The following MROH7 variants were observed in gnomAD, a reference collection of about 807,000 sequenced individuals.
MROH7 encodes the protein maestro heat like repeat family member 7.
In MROH7, 113 loss-of-function variants were observed where a neutral mutation model predicts 129.2. That is an observed-to-expected ratio of 0.87 (90% CI 0.75 to 1.02). The LOEUF is 1.02. MROH7 is among the 50% of genes least tolerant of loss of function. The pLI is 0.00. For synonymous variants in MROH7, 655 were observed against 667.9 expected (o/e 0.98, Z 0.30); for missense variants, 1,601 against 1,671.3 (o/e 0.96, Z 0.73).
At chr1:54,676,043 G>A (rs1428160658) in intron 10 of MROH7, among the ~76,000 whole-genome samples, 1 of 152,124 alleles carries the variant, frequency 6.6e-6, no homozygotes, top group Non-Finnish European at 1.5e-5. Context: ...AGGATACCCA[G>A]TAAAATTTGA....
At chr1:54,700,493 G>C in intron 18 of MROH7, 32 bp downstream of exon 18, 1 of 1,544,610 alleles carries the variant, frequency 6.5e-7, no homozygotes. Context: ...GCCTGGCCCA[G>C]CCAGGCCCCA....
chr1:54,700,083 T>C (rs1645408106), intron 17 of MROH7: 1 of 691,324 alleles, frequency 1.4e-6, no homozygotes, highest in Non-Finnish European at 2.7e-6. Flanking sequence ...CAGGATCTCA[T>C]GGGAAAGGCA....
rs1383473147 is a variant in MROH7, at chr1:54,675,599, GC to G, written c.1936+1450del. ...TGAGCCTATTCTGGCTCGGGACGCT[GC>G]CTTTTTTTTTTTTTTGAGACAGAGT... is the stretch of plus-strand genomic sequence containing the variant. On this transcript the variant is annotated intron_variant, in intron 10 of 23. Coordinates refer to ENST00000421030, the MANE Select transcript of MROH7 (RefSeq NM_001039464.4). 1.9e-3 allele frequency among the ~76,000 whole-genome samples: 253 copies of G among 134,448 alleles called. 3 individuals are homozygous for G. Among genetic ancestry groups the G allele is most frequent in the African/African-American group, 6.5e-3 (228 of 35,256 alleles). 88.2% of individuals were successfully genotyped at this position (134,448 alleles called of 152,430 possible).
Position 54,695,409 on chromosome 1 carries a change from C to T in MROH7, c.2883C>T (p.Cys961=), listed in dbSNP as rs771818764. ...AMVQYSCQEL[C]RILYLLIPLL... is the part of the protein sequence containing the mutation. ...TGCAGTACTCCTGCCAGGAGCTGTGCCGCATCCTCTACCTGCTCATCCCGC... is the reference window on the plus strand; with the variant it reads ...TGCAGTACTCCTGCCAGGAGCTGTGTCGCATCCTCTACCTGCTCATCCCGC... The change falls in exon 17 of 24, where the codon TGC becomes TGT. Residue 961 remains cysteine (C), a synonymous_variant. Coordinates refer to ENST00000421030, the MANE Select transcript of MROH7 (RefSeq NM_001039464.4). 9.4e-5 allele frequency: 151 copies of T among 1,613,218 alleles called. No homozygotes were observed. In the Middle Eastern group the frequency reaches 1.2e-3, roughly 12 times the overall value.
intron 11 of MROH7, 141 bp downstream of exon 11, chr1:54,678,995 C>A: frequency 1.4e-6 from 1 of 716,372 alleles, no homozygotes; most frequent in Non-Finnish European, 2.4e-6. Flanking sequence ...TCCTGAGTGC[C>A]CTCCTCCTCC....
At position 54,653,847 on chromosome 1, in the gene MROH7, T is replaced by A. The variant is rs1161678704; in HGVS notation, c.921T>A (p.Gly307=). The A allele has an allele frequency of 6.2e-7, 1 of 1,613,970 alleles. No homozygotes were observed. Among genetic ancestry groups the A allele is most frequent in the African/African-American group, 1.3e-5 (1 of 74,902 alleles). ...CCCTGATTCCTGGCTCCAGCTATGG[T>A]ATCAGCCTGCACTCCAGCACCCATG... ...YVTLIPGSSY[G]ISLHSSTHEP... The change falls in exon 3 of 24, where the codon GGT becomes GGA. Residue 307 remains glycine, a synonymous_variant. Coordinates refer to ENST00000421030, the MANE Select transcript of MROH7 (RefSeq NM_001039464.4).
intron 16 of MROH7, 82 bp downstream of exon 16, chr1:54,692,643 A>T: frequency 1.4e-6 from 2 of 1,438,164 alleles, no homozygotes; most frequent in Non-Finnish European, 1.9e-6. Flanking sequence ...CTTGGTCTGC[A>T]TCTCTCCCTG....
chr1:54,698,037 AG>A, intron 17 of MROH7: 1 of 249,742 alleles, frequency 4.0e-6, no homozygotes, highest in Non-Finnish European at 7.7e-6. Context: ...CTGGCCAGTC[AG>A]CCCCACCATT....
chr1:54,700,540 C>A, intron 18 of MROH7, 79 bp downstream of exon 18: 1 of 1,394,374 alleles, frequency 7.2e-7, no homozygotes. Flanking sequence ...ATTATAGTAC[C>A]TCAGAAGCCC....
intron 13 of MROH7, among the ~76,000 whole-genome samples, chr1:54,680,304 G>A (rs1645049180): frequency 6.6e-6 from 1 of 152,188 alleles, no homozygotes; most frequent in East Asian, 1.9e-4. Flanking sequence ...GAAGTTTCTT[G>A]CCTTAGGTAC....
At chr1:54,709,863 C>A (rs1231296712) in intron 23 of MROH7, 83 bp from the exon 24 acceptor site, 9 of 1,523,236 alleles carry the variant, frequency 5.9e-6, no homozygotes, top group Non-Finnish European at 8.0e-6. Flanking sequence ...TAAGCCAAGG[C>A]ATGGAGATGG....
intron 14 of MROH7, among the ~76,000 whole-genome samples, chr1:54,684,847 G>A (rs1263079464): frequency 6.6e-6 from 1 of 152,212 alleles, no homozygotes; most frequent in Non-Finnish European, 1.5e-5. Context: ...GGGAGATAGT[G>A]TATGTGGAAG....
chr1:54,704,192 C>T (rs1645489684), intron 21 of MROH7, among the ~76,000 whole-genome samples: 1 of 152,158 alleles, frequency 6.6e-6, no homozygotes, highest in Non-Finnish European at 1.5e-5. Context: ...CATGATATTA[C>T]CATCACATTC....
At chr1:54,665,320 C>T (rs1644795466) in intron 4 of MROH7, 80 bp downstream of exon 4, 8 of 1,034,886 alleles carry the variant, frequency 7.7e-6, no homozygotes, top group South Asian at 2.7e-5. Flanking sequence ...AGCCCAGCAG[C>T]CTCCGCATTC....
intron 3 of MROH7, among the ~76,000 whole-genome samples, chr1:54,657,903 C>T (rs1644673830): frequency 6.6e-6 from 1 of 152,104 alleles, no homozygotes; most frequent in Non-Finnish European, 1.5e-5. Flanking sequence ...TCAGGTGATC[C>T]ACCTGCCTAG....
rs755423881 is a variant in MROH7 at position 54,653,860 on chromosome 1, T to C, written c.934T>C (p.Ser312Pro). ...PGSSYGISLH[S>P]STHEPNSTIS... ...CTCCAGCTATGGTATCAGCCTGCAC[T>C]CCAGCACCCATGAGCCCAACTCCAC... Residue 312 changes from serine to proline, a missense_variant, in exon 3 of 24, where the codon TCC (serine) becomes CCC (proline). By Grantham distance (74) the Ser-to-Pro change is moderately conservative. Coordinates refer to ENST00000421030, the MANE Select transcript of MROH7 (RefSeq NM_001039464.4). The C allele has an allele frequency of 9.9e-6, 16 of 1,614,006 alleles. No individual in the cohort carries two copies. Among genetic ancestry groups the C allele is most frequent in the East Asian group, 2.2e-5 (1 of 44,874 alleles).
In MROH7 at chr1:54,647,309, T is replaced by A. The variant is rs199677870; in HGVS notation, c.-109-4640T>A. On this transcript the variant is annotated intron_variant, in intron 1 of 23. Transcript: ENST00000421030. ...TTAATGCATTTTGAGTTAATTTTTG[T>A]ATACAATGTGGGATAGGAGGCTGGG... Among the ~76,000 whole-genome samples, 3 of 152,288 alleles carry A rather than the reference T, an allele frequency of 2.0e-5. No individual in the cohort carries two copies. The East Asian group carries it at 5.8e-4, about 29-fold the overall frequency.
chr1:54,646,779 T>C (rs1449917891), intron 1 of MROH7, among the ~76,000 whole-genome samples: 1 of 152,216 alleles, frequency 6.6e-6, no homozygotes, highest in Admixed American at 6.5e-5. Flanking sequence ...CATTAAGCAG[T>C]CACTTACCAT....
rs1227195098 is a variant in MROH7 at position 54,701,254 on chromosome 1, G to C, written c.3217G>C (p.Asp1073His). 4 of 1,614,030 alleles carry C rather than the reference G, an allele frequency of 2.5e-6. No individual in the cohort carries two copies. The highest frequency in any genetic ancestry group is 3.3e-5 in the Admixed American group (2 of 60,014). The change falls in exon 19 of 24, where the codon GAC (aspartate) becomes CAC (histidine). Residue 1073 changes from aspartate (D) to histidine (H), a missense_variant. Coordinates refer to ENST00000421030, the MANE Select transcript of MROH7 (RefSeq NM_001039464.4). ...HNLKAVFKGR[D>H]QKLMDSAVYV... is the part of the protein sequence containing the mutation. The stretch of plus-strand genomic sequence containing the variant: ...CCTCAAGGCTGTCTTCAAGGGGCGG[G>C]ACCAGAAGCTGATGGACAGTGCGGT...
Sources: allele counts gnomAD v4.1 joint callset (sites outside exome capture counted in the v4.1 genomes callset), GRCh38; gene constraint gnomAD v4.1.1; transcripts MANE v1.5; gene names NCBI Gene and HGNC (gene_info 2026-07-23, HGNC 2026-07-21).